The following FER variants were observed in gnomAD, a reference collection of about 807,000 sequenced individuals.
FER encodes tyrosine-protein kinase Fer.
Under a neutral mutation model 111.0 loss-of-function variants are expected in FER, and 63 were observed. That is an observed-to-expected ratio of 0.57 (90% CI 0.46 to 0.70). FER has a LOEUF of 0.70. Among genes scored for constraint, FER ranks in the 30% least tolerant of loss-of-function variants. The probability of loss-of-function intolerance (pLI) is 0.00; values close to 1 mark genes in which losing one functional copy is unlikely to be tolerated. For missense variants in FER, 914 were observed against 954.0 expected (o/e 0.96, Z 0.55); for synonymous variants, 327 against 313.9 (o/e 1.04, Z -0.44).
At chr5:109,043,936 A>G (rs1047531782) in intron 14 of FER, among the ~76,000 whole-genome samples, 5 of 151,830 alleles carry the variant, frequency 3.3e-5, no homozygotes, top group African/African-American at 9.7e-5. Context: ...GTGCTGCTGC[A>G]CTCCAGACTG....
rs35948091 is a variant in FER, at chr5:108,844,093, CAT to C, written c.481+8289_481+8290del. On this transcript the variant is annotated intron_variant, in intron 5 of 19. Transcript: ENST00000281092. ...GTGTGTGAACATATATGCGTGTGAA[CAT>C]ATGTGTGTGAACATGTGTGTGAACA... 5.0e-3 allele frequency among the ~76,000 whole-genome samples: 488 copies of C among 96,862 alleles called. 15 individuals are homozygous for C. Among genetic ancestry groups the C allele is most frequent in the Non-Finnish European group, 7.8e-3 (339 of 43,558 alleles). The allele number at this position is 96,862 out of a possible 152,430, so 63.5% of individuals were successfully genotyped here.
chr5:109,046,825 G>C (rs1272110114), intron 15 of FER, among the ~76,000 whole-genome samples: 1 of 152,108 alleles, frequency 6.6e-6, no homozygotes, highest in African/African-American at 2.4e-5. Flanking sequence ...AAGAGGGTGC[G>C]TGTAGGTTGT....
chr5:108,774,122 A>G (rs941064157), intron 2 of FER, among the ~76,000 whole-genome samples: 12 of 149,512 alleles, frequency 8.0e-5, no homozygotes, highest in Non-Finnish European at 8.9e-5. Context: ...CTGATTGTTC[A>G]CCTCCCACTT....
intron 17 of FER, among the ~76,000 whole-genome samples, chr5:109,179,087 C>T (rs1378328646): frequency 2.6e-5 from 4 of 151,944 alleles, no homozygotes; most frequent in African/African-American, 9.7e-5. Flanking sequence ...TTTTTGCAGC[C>T]TTGTAAATCA....
intron 17 of FER, among the ~76,000 whole-genome samples, chr5:109,136,549 T>C (rs1752917247): frequency 6.6e-6 from 1 of 152,156 alleles, no homozygotes; most frequent in South Asian, 2.1e-4. Context: ...AGAATAATGA[T>C]AGGAACTACA....
chr5:108,964,675 T>G (rs1279930388), intron 13 of FER, among the ~76,000 whole-genome samples: 1 of 152,194 alleles, frequency 6.6e-6, no homozygotes, highest in Non-Finnish European at 1.5e-5. Context: ...TTTAAGAAAT[T>G]CACATCATTT....
At chr5:108,955,480 T>C (rs1758315629) in intron 12 of FER, among the ~76,000 whole-genome samples, 1 of 151,906 alleles carries the variant, frequency 6.6e-6, no homozygotes, top group Admixed American at 6.6e-5. Context: ...TCTATTTACA[T>C]TGATTATTCT....
At chr5:108,754,776 G>A (rs960905452) in intron 1 of FER, among the ~76,000 whole-genome samples, 7 of 152,188 alleles carry the variant, frequency 4.6e-5, no homozygotes, top group African/African-American at 1.7e-4. Context: ...GGGACTCATG[G>A]TTTTAAGAGA....
chr5:108,810,180 C>T (rs1045492358), intron 3 of FER, among the ~76,000 whole-genome samples: 15 of 152,030 alleles, frequency 9.9e-5, no homozygotes, highest in African/African-American at 3.1e-4. Flanking sequence ...TTGGCTCTGC[C>T]GTATGGACTT....
At chr5:108,824,910 C>CGG (rs1759290923) in intron 3 of FER, among the ~76,000 whole-genome samples, 1 of 151,390 alleles carries the variant, frequency 6.6e-6, no homozygotes, top group African/African-American at 2.4e-5. Context: ...GTTGGGCATC[C>CGG]GGGGGAGACA....
At chr5:108,926,585 A>G (rs1005398127) in intron 10 of FER, among the ~76,000 whole-genome samples, 4 of 152,336 alleles carry the variant, frequency 2.6e-5, no homozygotes, top group Admixed American at 6.5e-5. Flanking sequence ...ACTTCTACCC[A>G]TAGCCTTGAT....
chr5:109,118,163 A>G (rs912970026), intron 17 of FER, among the ~76,000 whole-genome samples: 10 of 152,204 alleles, frequency 6.6e-5, no homozygotes, highest in African/African-American at 2.4e-4. Flanking sequence ...GATAGCTCTT[A>G]TTTTGAGATA....
At chr5:108,878,929 G>A (rs1160588328) in intron 8 of FER, among the ~76,000 whole-genome samples, 2 of 152,070 alleles carry the variant, frequency 1.3e-5, no homozygotes, top group Non-Finnish European at 1.5e-5. Context: ...GATTTAAGCT[G>A]CTTGGGCTCT....
At chr5:108,854,065 A>G (rs1209771904) in intron 5 of FER, among the ~76,000 whole-genome samples, 1 of 152,196 alleles carries the variant, frequency 6.6e-6, no homozygotes, top group African/African-American at 2.4e-5. Context: ...GTAGTTTGAT[A>G]AAGTCACTGT....
intron 5 of FER, among the ~76,000 whole-genome samples, chr5:108,849,454 T>TTGTTG (rs1561510162): frequency 2.7e-5 from 4 of 146,662 alleles, no homozygotes; most frequent in Middle Eastern, 3.5e-3. Context: ...TGGTGGTGGT[T>TTGTTG]TTGTTGTTGT....
chr5:108,909,669 GA>G (rs796244993), intron 10 of FER, among the ~76,000 whole-genome samples: 2 of 151,288 alleles, frequency 1.3e-5, no homozygotes, highest in African/African-American at 2.4e-5. Flanking sequence ...GGTGATGTTA[GA>G]AAAAAAACAT....
Position 109,186,238 on chromosome 5 carries a change from A to G in FER, c.2242A>G (p.Ile748Val), listed in dbSNP as rs201346702. The change falls in exon 19 of 20, where the codon ATC (isoleucine) becomes GTC (valine). Residue 748 changes from isoleucine to valine, a missense_variant. Transcript: ENST00000281092. ...SSESDVWSFG[I>V]LLWETFSLGV... ...AGAGAGTGACGTGTGGAGCTTTGGCATCCTTCTCTGGGAGACCTTCAGCTT... is the reference window on the plus strand; with the variant it reads ...AGAGAGTGACGTGTGGAGCTTTGGCGTCCTTCTCTGGGAGACCTTCAGCTT... 128 of 1,614,118 alleles carry G rather than the reference A, an allele frequency of 7.9e-5. 1 individual carries two copies. Among genetic ancestry groups the G allele is most frequent in the Middle Eastern group, 1.6e-4 (1 of 6,062 alleles).
intron 1 of FER, among the ~76,000 whole-genome samples, chr5:108,756,351 G>A (rs975263587): frequency 1.3e-5 from 2 of 151,830 alleles, no homozygotes; most frequent in Non-Finnish European, 2.9e-5. Context: ...ACATTTTCAG[G>A]TATCACCTTT....
At chr5:109,015,291 A>G (rs949723063) in intron 13 of FER, among the ~76,000 whole-genome samples, 1 of 152,096 alleles carries the variant, frequency 6.6e-6, no homozygotes, top group Non-Finnish European at 1.5e-5. Context: ...TTTCTTTTGT[A>G]GTAAAACTTG....
Sources: allele counts gnomAD v4.1 joint callset (sites outside exome capture counted in the v4.1 genomes callset), GRCh38; gene constraint gnomAD v4.1.1; transcripts MANE v1.5; gene names NCBI Gene and HGNC (gene_info 2026-07-23, HGNC 2026-07-21).